MGA: variants seen among roughly 807,000 people sequenced by gnomAD.
The protein encoded by MGA is MAX dimerization protein MGA.
A neutral mutation model predicts 261.1 loss-of-function variants in MGA; 40 were observed. The observed-to-expected ratio is 0.15, with a 90% CI of 0.12 to 0.20. The LOEUF is 0.20. MGA is among the 10% of genes least tolerant of loss of function. The pLI is 1.00. For synonymous variants in MGA, 1,302 were observed against 1,290.6 expected, an observed-to-expected ratio of 1.01 and a Z score of -0.19; for missense variants, 3,397 against 3,630.5, an observed-to-expected ratio of 0.94 and a Z score of 1.65.
At chr15:41,682,884 A>G (rs1458252381) in intron 2 of MGA, among the ~76,000 whole-genome samples, 1 of 152,348 alleles carries the variant, frequency 6.6e-6, no homozygotes, top group South Asian at 2.1e-4. Context: ...TTTAGAAAGT[A>G]TCTGTAGAAC....
chr15:41,754,344 A>G, intron 17 of MGA, 93 bp from the exon 18 acceptor site: 6 of 1,155,998 alleles, frequency 5.2e-6, no homozygotes, highest in Non-Finnish European at 7.1e-6. Context: ...AATGTCTGGC[A>G]TTAGTTGGTT....
At chr15:41,731,965 G>A (rs1003474697) in intron 11 of MGA, among the ~76,000 whole-genome samples, 6 of 152,122 alleles carry the variant, frequency 3.9e-5, no homozygotes, top group Non-Finnish European at 5.9e-5. Context: ...GCAATTACAT[G>A]TACTACCTTA....
rs747385653 is a variant in MGA at position 41,736,708 on chromosome 15, AT to A, written c.4434+11del. 6.3e-7 allele frequency: 1 copy of A among 1,584,902 alleles called. No individual in the cohort carries two copies. The highest frequency in any genetic ancestry group is 8.6e-7 in the Non-Finnish European group (1 of 1,166,488). On this transcript the variant is annotated intron_variant, in intron 13 of 23. Transcript: ENST00000219905. Reference sequence around the variant, plus strand: ...ATCTGGGCTTATCCAGGTGAGAATTATCTTTAATCTGGGTATAGCACCTTTG... The same window carrying A: ...ATCTGGGCTTATCCAGGTGAGAATTACTTTAATCTGGGTATAGCACCTTTG...
intron 1 of MGA, among the ~76,000 whole-genome samples, chr15:41,639,808 A>T (rs1356186508): frequency 1.3e-5 from 2 of 152,076 alleles, no homozygotes; most frequent in Non-Finnish European, 2.9e-5. Flanking sequence ...TTGGCCTCCC[A>T]AAGTGCTGGG....
In MGA at chr15:41,699,022, G is replaced by A. The variant is rs745782243; in HGVS notation, c.2093-42G>A. ...AACATGCAACATTCATTTGTCTGTA[G>A]TGTACAGTAGCTTATTTTATTACTA... On this transcript the variant is annotated intron_variant, in intron 4 of 23. Transcript: ENST00000219905. 9 of 1,569,202 alleles carry A rather than the reference G, an allele frequency of 5.7e-6. 1 individual carries two copies. In the South Asian group the frequency reaches 1.0e-4, roughly 18 times the overall value.
rs1211293490 is a variant in MGA, at chr15:41,766,631, C to G, written c.8549C>G (p.Ser2850Cys). ...GTTGGCCTGGCTGAACTACCCAGCT[C>G]TATGGATACAGAGTTCCCAGGGGAT... The change falls in exon 24 of 24, where the codon TCT (serine) becomes TGT (cysteine). Residue 2850 changes from serine to cysteine, a missense_variant. Around this residue, in one of 9 missense-constraint regions of MGA, gnomAD observed 647 missense variants for 642.4 expected, o/e 1.01. Transcript: ENST00000219905. 2.5e-6 allele frequency: 4 copies of G among 1,614,006 alleles called. No homozygotes were observed. Among genetic ancestry groups the G allele is most frequent in the Non-Finnish European group, 3.4e-6 (4 of 1,179,892 alleles).
At chr15:41,684,946 A>G (rs987505304) in intron 2 of MGA, among the ~76,000 whole-genome samples, 3 of 152,200 alleles carry the variant, frequency 2.0e-5, no homozygotes, top group African/African-American at 7.2e-5. Context: ...TAATAACTAT[A>G]CATTTATTAA....
At chr15:41,666,812 A>G (rs2057766948) in intron 1 of MGA, among the ~76,000 whole-genome samples, 1 of 152,224 alleles carries the variant, frequency 6.6e-6, no homozygotes, top group Non-Finnish European at 1.5e-5. Context: ...GTGGGAATGC[A>G]GGGGATAATC....
chr15:41,766,842 C>T lies in MGA; in HGVS notation c.8760C>T (p.Ala2920=). 1 of 1,614,028 alleles carries T rather than the reference C, an allele frequency of 6.2e-7. No homozygotes were observed. Among genetic ancestry groups the T allele is most frequent in the Non-Finnish European group, 8.5e-7 (1 of 1,179,908 alleles). Residue 2920 remains alanine, a synonymous_variant, in exon 24 of 24, where the codon GCC becomes GCT. Coordinates refer to ENST00000219905, the MANE Select transcript of MGA (RefSeq NM_001164273.2). ...ATGAAAAACAACTTGCAGAACCAGC[C>T]TCTGAGCCAGATGTCCTTAAGATTG... is the stretch of plus-strand genomic sequence containing the variant.
chr15:41,700,240 G>C (rs975465283), intron 5 of MGA, among the ~76,000 whole-genome samples: 1 of 151,750 alleles, frequency 6.6e-6, no homozygotes, highest in Non-Finnish European at 1.5e-5. Flanking sequence ...TAGAGACGGG[G>C]TTTCACTGTG....
At chr15:41,748,130 C>G (rs1221739579) in intron 15 of MGA, among the ~76,000 whole-genome samples, 1 of 151,730 alleles carries the variant, frequency 6.6e-6, no homozygotes, top group Non-Finnish European at 1.5e-5. Context: ...AGTGACACAT[C>G]CCTGTAGTCC....
At chr15:41,729,849 A>G (rs187382605) in intron 11 of MGA, among the ~76,000 whole-genome samples, 106 of 151,992 alleles carry the variant, frequency 7.0e-4, no homozygotes, top group Middle Eastern at 3.4e-3. Context: ...AAATATGTAT[A>G]TTATTCTTTC....
upstream of MGA, among the ~76,000 whole-genome samples, chr15:41,659,423 A>G (rs1275533586): frequency 6.6e-6 from 1 of 152,216 alleles, no homozygotes; most frequent in African/African-American, 2.4e-5. Flanking sequence ...CTTATCAAAG[A>G]AGGCAGTTTT....
intron 1 of MGA, among the ~76,000 whole-genome samples, chr15:41,663,211 T>G (rs937358532): frequency 6.6e-6 from 1 of 152,332 alleles, no homozygotes; most frequent in African/African-American, 2.4e-5. Context: ...CTTTTGTGTG[T>G]GTATATGTCT....
At position 41,668,876 on chromosome 15, in the gene MGA, T is replaced by C. The variant is rs776140741; in HGVS notation, c.-19T>C. On this transcript the variant is annotated 5_prime_UTR_variant, in exon 2 of 24. Transcript: ENST00000219905. ...GTGGTGATTACAGTTGTCTTACTAC[T>C]GAGTTTCCTACTGAAATCATGGAGG... The C allele has an allele frequency of 2.0e-6, 3 of 1,523,538 alleles. No individual in the cohort carries two copies. Among genetic ancestry groups the C allele is most frequent in the Admixed American group, 4.0e-5 (2 of 50,398 alleles). 94.4% of individuals were successfully genotyped at this position (1,523,538 alleles called of 1,614,324 possible). A position where few individuals can be genotyped will look rare whatever the true frequency, so the allele number is the denominator to read the frequency against.
intron 13 of MGA, among the ~76,000 whole-genome samples, 151 bp downstream of exon 13, chr15:41,736,849 C>T (rs1475722786): frequency 6.6e-6 from 1 of 152,042 alleles, no homozygotes; most frequent in African/African-American, 2.4e-5. Context: ...TGTAATAGGC[C>T]TAGTTTAGAT....
chr15:41,658,420 G>A (rs2057251863), upstream of MGA, among the ~76,000 whole-genome samples: 1 of 152,078 alleles, frequency 6.6e-6, no homozygotes, highest in African/African-American at 2.4e-5. Flanking sequence ...AAAGTTGAAT[G>A]TAACCATTTA....
intron 9 of MGA, among the ~76,000 whole-genome samples, chr15:41,713,828 G>A (rs961307384): frequency 2.0e-5 from 3 of 152,156 alleles, no homozygotes; most frequent in African/African-American, 2.4e-5. Flanking sequence ...ACACACGTAC[G>A]TTCCTTGGAA....
rs778393772 is a variant in MGA, at chr15:41,757,640, A to G, written c.7140-148A>G. 2.4e-4 allele frequency: 125 copies of G among 511,122 alleles called. 1 individual carries two copies. The highest frequency in any genetic ancestry group is 9.3e-4 in the Admixed American group (28 of 30,106). The allele number at this position is 511,122 out of a possible 1,614,324, so 31.7% of individuals were successfully genotyped here. A position where few individuals can be genotyped will look rare whatever the true frequency, so the allele number is the denominator to read the frequency against. ...CTATTTGTACACTTTTAGAGAAAAT[A>G]TATAATGTCAAGTAAATAATGTGGC... On this transcript the variant is annotated intron_variant, in intron 18 of 23. Coordinates refer to ENST00000219905, the MANE Select transcript of MGA (RefSeq NM_001164273.2).
Sources: allele counts gnomAD v4.1 joint callset (sites outside exome capture counted in the v4.1 genomes callset), GRCh38; gene constraint gnomAD v4.1.1; regional missense constraint gnomAD v4.1.1; transcripts MANE v1.5; gene names NCBI Gene and HGNC (gene_info 2026-07-23, HGNC 2026-07-21).